The following COL18A1 variants were observed in gnomAD, a reference collection of about 807,000 sequenced individuals.
The protein encoded by COL18A1 is collagen type XVIII alpha 1 chain, also known as collagen alpha-1(XVIII) chain.
Under a neutral mutation model 168.0 loss-of-function variants are expected in COL18A1, and 133 were observed. The ratio of observed to expected loss-of-function variants is 0.79; its 90% CI spans 0.69 to 0.91. The LOEUF (loss-of-function observed/expected upper bound fraction) is 0.91, where lower values mean the gene tolerates loss of function less well. Ranked by LOEUF, COL18A1 falls within the 40% of genes least tolerant of loss-of-function variation. COL18A1 has a pLI of 0.00. For synonymous variants in COL18A1, 949 were observed against 809.0 expected (o/e 1.17, Z -2.94); for missense variants, 2,126 against 1,925.4 (o/e 1.10, Z -1.95).
chr21:45,443,739 A>G lies in COL18A1; in HGVS notation c.107-24503A>G, dbSNP rs562546756. 1.3e-5 allele frequency among the ~76,000 whole-genome samples: 2 copies of G among 152,296 alleles called. No individual in the cohort carries two copies. Among genetic ancestry groups the G allele is most frequent in the South Asian group, 4.1e-4 (2 of 4,822 alleles). ...AAATCAAGTGCCAATTTCCTGGTGA[A>G]GAGTCTTTATGAGAGCAATGCGGCC... On this transcript the variant is annotated intron_variant, in intron 2 of 41. Transcript: ENST00000651438. This position sits in a 1 kb window ranked among gnomAD's most constrained non-coding sequence, Gnocchi z 5.2.
chr21:45,504,248 C>T (rs2037045871), intron 33 of COL18A1, 168 bp from the exon 34 acceptor site: 1 of 877,366 alleles, frequency 1.1e-6, no homozygotes, highest in East Asian at 2.6e-5. Context: ...GGGGACTCGG[C>T]TGATGCAGTG....
chr21:45,485,648 G>A (rs115123923), intron 15 of COL18A1, among the ~76,000 whole-genome samples: 1,942 of 152,328 alleles, frequency 0.013, 41 homozygotes, highest in African/African-American at 0.044. Flanking sequence ...AAGACCCAGC[G>A]TAGCTGTTGG....
In COL18A1 at chr21:45,494,459, G is replaced by A. The variant is rs1015627243; in HGVS notation, c.2353-86G>A. ...GTGGGGCACAAGCCGCCACCTAACC[G>A]TGCCTTCGCCACAGGGGCCCTCAGA... On this transcript the variant is annotated intron_variant, in intron 26 of 41. Coordinates refer to ENST00000651438, the MANE Select transcript of COL18A1 (RefSeq NM_001379500.1). 1.1e-5 allele frequency: 18 copies of A among 1,595,188 alleles called. 1 individual carries two copies. The highest frequency in any genetic ancestry group is 3.3e-5 in the Admixed American group (2 of 59,898).
At chr21:45,476,587 T>C in intron 6 of COL18A1, 107 bp downstream of exon 6, 2 of 1,374,926 alleles carry the variant, frequency 1.5e-6, no homozygotes, top group Non-Finnish European at 2.0e-6. Context: ...GTGTGTGTAG[T>C]GTGTGGTGTA....
At chr21:45,480,376 C>G (rs1347184050) in intron 11 of COL18A1, 91 bp from the exon 12 acceptor site, 2 of 1,609,544 alleles carry the variant, frequency 1.2e-6, no homozygotes, top group East Asian at 2.2e-5. Context: ...GTAGAAACAG[C>G]TCGATATGCA....
chr21:45,448,829 C>G (rs2034559547), intron 2 of COL18A1, among the ~76,000 whole-genome samples: 1 of 152,248 alleles, frequency 6.6e-6, no homozygotes, highest in South Asian at 2.1e-4. Context: ...GTGTCCTGCT[C>G]TGTAGTCTGT....
intron 15 of COL18A1, among the ~76,000 whole-genome samples, chr21:45,485,878 G>A (rs8130016): frequency 0.019 from 2,927 of 152,342 alleles, 90 homozygotes; most frequent in African/African-American, 0.066. Context: ...TGCCCCATTT[G>A]TGGACAGTGC....
Position 45,507,570 on chromosome 21 carries a change from C to T in COL18A1, c.3226C>T (p.Arg1076Trp), listed in dbSNP as rs564336928. 1.0e-4 allele frequency: 164 copies of T among 1,612,976 alleles called. No homozygotes were observed. The highest frequency in any genetic ancestry group is 1.3e-4 in the Non-Finnish European group (156 of 1,179,894). ...TGCTGCTTTCTTCCAGCTGGAGGCC[C>T]GGACACCACTCCCACGAGGGACGGT... ...NGFRKVQLEA[R>W]TPLPRGTDNE... Residue 1076 changes from arginine to tryptophan, a missense_variant, in exon 38 of 42, where the codon CGG becomes TGG. Transcript: ENST00000651438.
rs1317698993 is a variant in COL18A1, at chr21:45,498,375, C to T, written c.2683+714C>T. ...AGGGTTCCCTCTCGCCACCACGGTC[C>T]CCTCTCGCCGCCAGGGTCCCCTCTC... On this transcript the variant is annotated intron_variant, in intron 32 of 41. Transcript: ENST00000651438. The surrounding 1 kb of genome is among the most constrained non-coding windows in gnomAD (Gnocchi z 4.5). 1.1e-5 allele frequency: 7 copies of T among 659,308 alleles called. No individual in the cohort carries two copies. Among genetic ancestry groups the T allele is most frequent in the East Asian group, 2.8e-5 (1 of 35,930 alleles). 40.8% of individuals were successfully genotyped at this position (659,308 alleles called of 1,614,324 possible). A position where few individuals can be genotyped will look rare whatever the true frequency, so the allele number is the denominator to read the frequency against.
intron 22 of COL18A1, 48 bp downstream of exon 22, chr21:45,491,362 G>GT: frequency 8.5e-7 from 1 of 1,178,232 alleles, no homozygotes; most frequent in Non-Finnish European, 1.2e-6. Context: ...GACCCCCCAC[G>GT]GGGTGCAGAG....
At chr21:45,451,950 A>G (rs2034631678) in intron 2 of COL18A1, among the ~76,000 whole-genome samples, 1 of 152,220 alleles carries the variant, frequency 6.6e-6, no homozygotes. Context: ...GCAGACCCCA[A>G]GGTCCCTCAT....
At chr21:45,485,568 A>G (rs968952980) in intron 15 of COL18A1, among the ~76,000 whole-genome samples, 1 of 152,228 alleles carries the variant, frequency 6.6e-6, no homozygotes, top group African/African-American at 2.4e-5. Flanking sequence ...TAAAGCCAAG[A>G]AAGTAAAATC....
chr21:45,406,923 A>C (rs1229850370), intron 2 of COL18A1, among the ~76,000 whole-genome samples: 1 of 152,280 alleles, frequency 6.6e-6, no homozygotes, highest in Non-Finnish European at 1.5e-5. Context: ...ACGGTTGGCC[A>C]AATGGGCTGT....
intron 2 of COL18A1, among the ~76,000 whole-genome samples, chr21:45,422,168 TCA>T (rs113434535): frequency 6.0e-4 from 90 of 150,572 alleles, no homozygotes; most frequent in Non-Finnish European, 8.5e-4. Context: ...ACACATGGGC[TCA>T]CACACACACA....
At chr21:45,442,979 G>A (rs913149443) in intron 2 of COL18A1, among the ~76,000 whole-genome samples, 4 of 137,932 alleles carry the variant, frequency 2.9e-5, no homozygotes, top group African/African-American at 1.2e-4. Context: ...GTGCTGGTGT[G>A]GGTGGCGGTG....
intron 2 of COL18A1, chr21:45,456,214 T>A (rs1298620980): frequency 1.3e-5 from 21 of 1,606,956 alleles, no homozygotes; most frequent in Non-Finnish European, 1.8e-5. Context: ...GCGGGGCCCC[T>A]CCCTGGGGAA....
At chr21:45,501,253 G>A (rs1434077494) in intron 32 of COL18A1, among the ~76,000 whole-genome samples, 16 of 152,042 alleles carry the variant, frequency 1.1e-4, no homozygotes, top group Non-Finnish European at 1.9e-4. Flanking sequence ...CTCAAGATAT[G>A]ACAAGTGAAA....
chr21:45,486,723 T>C, intron 15 of COL18A1, 138 bp from the exon 16 acceptor site: 3 of 903,522 alleles, frequency 3.3e-6, no homozygotes, highest in Non-Finnish European at 4.9e-6. Flanking sequence ...CTGTGGGGCC[T>C]GCGTTGCTTG....
intron 5 of COL18A1, among the ~76,000 whole-genome samples, chr21:45,475,876 C>T (rs1434427547): frequency 1.3e-5 from 2 of 150,956 alleles, no homozygotes; most frequent in Admixed American, 6.5e-5. Flanking sequence ...AGGGAATGAA[C>T]GCGTGTGTGA....
Sources: gnomAD v4.1 joint callset for allele counts (sites outside exome capture counted in the v4.1 genomes callset) on GRCh38, gnomAD v4.1.1 for gene constraint, Gnocchi (gnomAD v3.1) non-coding constraint, MANE v1.5 for transcripts, NCBI Gene and HGNC (gene_info 2026-07-23, HGNC 2026-07-21) for gene names.